Variants in RAPGEF6 observed in about 807,000 individuals in gnomAD.
RAPGEF6 encodes the protein Rap guanine nucleotide exchange factor 6.
A neutral mutation model predicts 171.4 loss-of-function variants in RAPGEF6; 56 were observed. The ratio of observed to expected loss-of-function variants is 0.33; its 90% CI spans 0.26 to 0.41. RAPGEF6 has a LOEUF of 0.41. Among genes scored for constraint, RAPGEF6 ranks in the 10% least tolerant of loss-of-function variants. The probability of loss-of-function intolerance (pLI) is 1.00; values close to 1 mark genes in which losing one functional copy is unlikely to be tolerated. For synonymous variants in RAPGEF6, 692 were observed against 650.1 expected (o/e 1.06, Z -0.98); for missense variants, 1,674 against 1,921.4 (o/e 0.87, Z 2.41).
intron 6 of RAPGEF6, among the ~76,000 whole-genome samples, chr5:131,532,632 G>A (rs1759471313): frequency 6.6e-6 from 1 of 151,790 alleles, no homozygotes; most frequent in African/African-American, 2.4e-5. Flanking sequence ...ATTGTATCCT[G>A]AAGATTAAAG....
At chr5:131,620,282 T>C (rs1765522041) in intron 1 of RAPGEF6, among the ~76,000 whole-genome samples, 1 of 152,214 alleles carries the variant, frequency 6.6e-6, no homozygotes, top group South Asian at 2.1e-4. Context: ...GCTTCAACTA[T>C]CACATATGCC....
rs1245009932 is a variant in RAPGEF6, at chr5:131,442,390, T to A, written c.3569A>T (p.His1190Leu). The A allele has an allele frequency of 1.2e-6, 2 of 1,614,138 alleles. No individual in the cohort carries two copies. The highest frequency in any genetic ancestry group is 1.7e-6 in the Non-Finnish European group (2 of 1,179,992). The change falls in exon 23 of 28, where the codon CAC (histidine) becomes CTC (leucine). Residue 1190 changes from histidine to leucine, a missense_variant. Coordinates refer to ENST00000509018, the MANE Select transcript of RAPGEF6 (RefSeq NM_016340.6). ...TGTTTGTCCCTTCTTCCTGATGGGG[T>A]GCAAATTAACAGCTGGCACCTGAAG... ...QVLQVPAVNL[H>L]PIRKKGQTKD...
intron 17 of RAPGEF6, among the ~76,000 whole-genome samples, chr5:131,469,478 GA>G (rs1400819311): frequency 6.6e-6 from 1 of 151,990 alleles, no homozygotes; most frequent in Non-Finnish European, 1.5e-5. Context: ...TGCAGATATA[GA>G]AAAAAATTCC....
In RAPGEF6 at chr5:131,588,600, A is replaced by G. The variant is rs186704501; in HGVS notation, c.281+3783T>C. Among the ~76,000 whole-genome samples, 864 of 151,512 alleles carry G rather than the reference A, an allele frequency of 5.7e-3. 5 individuals are homozygous for G. The highest frequency in any genetic ancestry group is 0.02 in the African/African-American group (829 of 41,254). The stretch of plus-strand genomic sequence containing the variant: ...TCTACTAAGAATACAAAAATTAGCC[A>G]GGTGTGGTGGTGCACACCTACAGTC... On this transcript the variant is annotated intron_variant, in intron 4 of 27. Coordinates refer to ENST00000509018, the MANE Select transcript of RAPGEF6 (RefSeq NM_016340.6).
Position 131,635,097 on chromosome 5 carries a change from A to G in RAPGEF6, c.-67T>C. Reference sequence around the variant, plus strand: ...ACGCCACAGTTCATTCACACTAGGTAGCGGGTGCGGTACCTTTCCCCCGCC... The same window carrying G: ...ACGCCACAGTTCATTCACACTAGGTGGCGGGTGCGGTACCTTTCCCCCGCC... On this transcript the variant is annotated 5_prime_UTR_variant, in exon 1 of 28. Coordinates refer to ENST00000509018, the MANE Select transcript of RAPGEF6 (RefSeq NM_016340.6). 6.8e-7 allele frequency: 1 copy of G among 1,476,334 alleles called. No individual in the cohort carries two copies. The highest frequency in any genetic ancestry group is 9.1e-7 in the Non-Finnish European group (1 of 1,097,724). 91.5% of individuals were successfully genotyped at this position (1,476,334 alleles called of 1,614,324 possible).
chr5:131,633,555 C>A (rs1766446473), intron 1 of RAPGEF6, among the ~76,000 whole-genome samples: 1 of 151,834 alleles, frequency 6.6e-6, no homozygotes, highest in Non-Finnish European at 1.5e-5. Flanking sequence ...TATGGTGCAA[C>A]CCCGTCTCTA....
intron 19 of RAPGEF6, among the ~76,000 whole-genome samples, chr5:131,461,357 A>T (rs540249359): frequency 3.5e-5 from 5 of 142,672 alleles, no homozygotes; most frequent in Admixed American, 2.1e-4. Context: ...GCAGGTACTT[A>T]AAAAAGCACA....
At chr5:131,564,436 G>A (rs921701307) in intron 4 of RAPGEF6, among the ~76,000 whole-genome samples, 11 of 152,114 alleles carry the variant, frequency 7.2e-5, no homozygotes, top group Non-Finnish European at 1.3e-4. Context: ...AAATAAATTA[G>A]TCCCACACTA....
intron 12 of RAPGEF6, among the ~76,000 whole-genome samples, chr5:131,497,998 A>G (rs1756746723): frequency 6.6e-6 from 1 of 152,234 alleles, no homozygotes; most frequent in Non-Finnish European, 1.5e-5. Flanking sequence ...TTGTTTTCAA[A>G]TGATTGTGAA....
intron 1 of RAPGEF6, among the ~76,000 whole-genome samples, chr5:131,607,404 T>C (rs1427268805): frequency 2.6e-5 from 4 of 152,214 alleles, no homozygotes; most frequent in Non-Finnish European, 5.9e-5. Context: ...TCAGCCATAA[T>C]ATTGCTGCTG....
intron 6 of RAPGEF6, among the ~76,000 whole-genome samples, chr5:131,546,575 G>A (rs1760552831): frequency 6.6e-6 from 1 of 151,622 alleles, no homozygotes; most frequent in African/African-American, 2.4e-5. Context: ...CTGCACTCCA[G>A]CCTGGGCAAG....
At chr5:131,553,253 T>G (rs1479288980) in intron 5 of RAPGEF6, among the ~76,000 whole-genome samples, 3 of 152,178 alleles carry the variant, frequency 2.0e-5, no homozygotes, top group African/African-American at 7.2e-5. Context: ...AAAGTAACAC[T>G]AAACAAATTT....
chr5:131,573,331 G>A (rs572064402), intron 4 of RAPGEF6, among the ~76,000 whole-genome samples: 1 of 152,210 alleles, frequency 6.6e-6, no homozygotes, highest in South Asian at 2.1e-4. Context: ...CATAGTCAGG[G>A]TACGTGTCCC....
intron 12 of RAPGEF6, among the ~76,000 whole-genome samples, chr5:131,495,898 G>C (rs1451641719): frequency 6.6e-6 from 1 of 152,194 alleles, no homozygotes; most frequent in Non-Finnish European, 1.5e-5. Flanking sequence ...AAGCCTGTTT[G>C]TTAAGATAAA....
intron 6 of RAPGEF6, among the ~76,000 whole-genome samples, chr5:131,529,223 C>A (rs1025562024): frequency 2.6e-5 from 4 of 151,440 alleles, no homozygotes; most frequent in Non-Finnish European, 5.9e-5. Context: ...TGCCTGTAAT[C>A]CCAGCACTTT....
chr5:131,575,119 A>G (rs559767733), intron 4 of RAPGEF6, among the ~76,000 whole-genome samples: 1 of 152,050 alleles, frequency 6.6e-6, no homozygotes, highest in Non-Finnish European at 1.5e-5. Context: ...CTCGACCTCA[A>G]AGATGCTTTC....
intron 16 of RAPGEF6, among the ~76,000 whole-genome samples, chr5:131,476,698 G>GT (rs918352081): frequency 2.6e-5 from 4 of 152,036 alleles, no homozygotes; most frequent in African/African-American, 4.8e-5. Flanking sequence ...TGTCCAGCTA[G>GT]TTTTTTTATT....
At position 131,486,096 on chromosome 5, in the gene RAPGEF6, C is replaced by T. The variant is rs185888286; in HGVS notation, c.1840+3450G>A. 1.4e-4 allele frequency among the ~76,000 whole-genome samples: 21 copies of T among 152,352 alleles called. No homozygotes were observed. In the East Asian group the frequency reaches 1.7e-3, roughly 13 times the overall value. On this transcript the variant is annotated intron_variant, in intron 15 of 27. Transcript: ENST00000509018. ...CACCTAGATGGTCAGTTAGGTACAG[C>T]GCACATCCACTTCAGAGAGAGGTTT...
intron 8 of RAPGEF6, among the ~76,000 whole-genome samples, chr5:131,509,474 C>T (rs1027417486): frequency 2.0e-5 from 3 of 151,640 alleles, no homozygotes; most frequent in Admixed American, 6.6e-5. Flanking sequence ...ACCCGGGAGG[C>T]GGAGCTTGCA....
Sources: allele counts gnomAD v4.1 joint callset (sites outside exome capture counted in the v4.1 genomes callset), GRCh38; gene constraint gnomAD v4.1.1; transcripts MANE v1.5; gene names NCBI Gene and HGNC (gene_info 2026-07-23, HGNC 2026-07-21).